The following SLC4A7 variants were observed in gnomAD, a reference collection of about 807,000 sequenced individuals.
SLC4A7 encodes the protein sodium bicarbonate cotransporter 3.
Under a neutral mutation model 137.6 loss-of-function variants are expected in SLC4A7, and 51 were observed. That is an observed-to-expected ratio of 0.37 (90% confidence interval 0.30 to 0.47). The LOEUF (loss-of-function observed/expected upper bound fraction) is 0.47, where lower values mean the gene tolerates loss of function less well. Among genes scored for constraint, SLC4A7 ranks in the 20% least tolerant of loss-of-function variants. SLC4A7 has a pLI of 1.00. For missense variants in SLC4A7, 1,247 were observed against 1,525.4 expected, an observed-to-expected ratio of 0.82 and a Z score of 3.04; for synonymous variants, 542 against 518.6, an observed-to-expected ratio of 1.05 and a Z score of -0.61.
At chr3:27,428,471 T>C (rs1363468054) in intron 7 of SLC4A7, among the ~76,000 whole-genome samples, 1 of 152,242 alleles carries the variant, frequency 6.6e-6, no homozygotes, top group Non-Finnish European at 1.5e-5. Flanking sequence ...GATTTAGCCA[T>C]GAAGCTTCTA....
intron 1 of SLC4A7, among the ~76,000 whole-genome samples, chr3:27,481,536 G>A (rs546802376): frequency 2.0e-5 from 3 of 152,240 alleles, no homozygotes; most frequent in South Asian, 4.2e-4. Flanking sequence ...TCACTTTTAC[G>A]ACTTTTATTT....
At chr3:27,470,856 C>G (rs918633994) in intron 1 of SLC4A7, among the ~76,000 whole-genome samples, 3 of 152,072 alleles carry the variant, frequency 2.0e-5, no homozygotes, top group Non-Finnish European at 2.9e-5. Flanking sequence ...GCAGGAGAAC[C>G]CCTTGAATCC....
At chr3:27,387,031 T>G (rs2051030877) in intron 22 of SLC4A7, among the ~76,000 whole-genome samples, 1 of 152,206 alleles carries the variant, frequency 6.6e-6, no homozygotes. Context: ...TTCAGATACA[T>G]TTCTGGACCC....
Position 27,376,445 on chromosome 3 carries a change from G to C in SLC4A7, c.*319C>G, listed in dbSNP as rs1394299766. On this transcript the variant is annotated 3_prime_UTR_variant, in exon 26 of 26. Coordinates refer to ENST00000454389, the MANE Select transcript of SLC4A7 (RefSeq NM_001321103.2). ...ACAAAGTATCACTTAAGGTTTTTAC[G>C]AATTGCCACTGATGAACAGAGATTT... The C allele has an allele frequency of 1.1e-5, 2 of 177,094 alleles. No homozygotes were observed. The highest frequency in any genetic ancestry group is 2.4e-5 in the Non-Finnish European group (2 of 84,978). 11.0% of individuals were successfully genotyped at this position (177,094 alleles called of 1,614,324 possible).
intron 1 of SLC4A7, among the ~76,000 whole-genome samples, chr3:27,476,980 G>A (rs1274569747): frequency 6.6e-6 from 1 of 152,128 alleles, no homozygotes; most frequent in Non-Finnish European, 1.5e-5. Flanking sequence ...TCTATCCCCA[G>A]CCATCAGGGA....
intron 23 of SLC4A7, among the ~76,000 whole-genome samples, chr3:27,384,017 A>C (rs1213786947): frequency 6.6e-6 from 1 of 152,214 alleles, no homozygotes; most frequent in Non-Finnish European, 1.5e-5. Flanking sequence ...GTTGAGACCA[A>C]CTTGGACAGT....
At chr3:27,447,640 C>CTTTTTTTTT (rs71087609) in intron 3 of SLC4A7, among the ~76,000 whole-genome samples, 4 of 99,702 alleles carry the variant, frequency 4.0e-5, no homozygotes, top group African/African-American at 1.3e-4. Flanking sequence ...TTTTACAGCC[C>CTTTTTTTTT]TTTTTTTTTT....
At chr3:27,437,665 T>C in intron 3 of SLC4A7, 139 bp from the exon 4 acceptor site, 1 of 414,206 alleles carries the variant, frequency 2.4e-6, no homozygotes, top group Non-Finnish European at 4.1e-6. Flanking sequence ...ATTATTGAAC[T>C]ATCACAATTC....
intron 11 of SLC4A7, among the ~76,000 whole-genome samples, chr3:27,412,372 T>C (rs2053985915): frequency 6.6e-6 from 1 of 152,108 alleles, no homozygotes; most frequent in Non-Finnish European, 1.5e-5. Flanking sequence ...TGTGAGCATG[T>C]GCACATACAA....
intron 7 of SLC4A7, among the ~76,000 whole-genome samples, chr3:27,425,752 C>T (rs2055541226): frequency 6.8e-6 from 1 of 147,926 alleles, no homozygotes; most frequent in Non-Finnish European, 1.5e-5. Context: ...TAGGTTGGTG[C>T]AATTTCCTTT....
chr3:27,384,263 A>G (rs891081027), intron 23 of SLC4A7, among the ~76,000 whole-genome samples: 2 of 152,194 alleles, frequency 1.3e-5, no homozygotes, highest in African/African-American at 4.8e-5. Flanking sequence ...AGTAGAACTT[A>G]CTGGATGACA....
intron 11 of SLC4A7, among the ~76,000 whole-genome samples, chr3:27,413,455 T>C (rs986374203): frequency 5.3e-5 from 8 of 152,126 alleles, no homozygotes; most frequent in African/African-American, 1.7e-4. Flanking sequence ...AATGTGAAGA[T>C]GGCACAAAAA....
At chr3:27,474,101 C>T (rs2059368925) in intron 1 of SLC4A7, among the ~76,000 whole-genome samples, 1 of 152,100 alleles carries the variant, frequency 6.6e-6, no homozygotes, top group Non-Finnish European at 1.5e-5. Context: ...ACTCTAGAGA[C>T]TAAATTTTGA....
intron 7 of SLC4A7, among the ~76,000 whole-genome samples, chr3:27,430,495 CCT>C (rs1273118680): frequency 1.3e-5 from 2 of 151,182 alleles, no homozygotes; most frequent in East Asian, 2.0e-4. Flanking sequence ...GTGACACGCC[CCT>C]GAGTCCCAGT....
At chr3:27,430,712 TC>T (rs1172153658) in intron 7 of SLC4A7, among the ~76,000 whole-genome samples, 1 of 151,194 alleles carries the variant, frequency 6.6e-6, no homozygotes, top group Non-Finnish European at 1.5e-5. Flanking sequence ...AGTCCTGTAG[TC>T]CCAGCTACTC....
At chr3:27,461,951 T>C (rs2058724093) in intron 1 of SLC4A7, among the ~76,000 whole-genome samples, 1 of 151,938 alleles carries the variant, frequency 6.6e-6, no homozygotes, top group African/African-American at 2.4e-5. Flanking sequence ...AACAGTGCGA[T>C]TCCATCTCAA....
chr3:27,397,452 C>T (rs1385296823), intron 18 of SLC4A7, among the ~76,000 whole-genome samples: 1 of 150,976 alleles, frequency 6.6e-6, no homozygotes, highest in African/African-American at 2.5e-5. Context: ...TTTTCATTCA[C>T]TCTCTCTAAT....
intron 8 of SLC4A7, 22 bp from the exon 9 acceptor site, chr3:27,421,801 A>C: frequency 6.3e-7 from 1 of 1,584,400 alleles, no homozygotes; most frequent in Non-Finnish European, 8.6e-7. Context: ...TAAATAATTA[A>C]AAATAAAGTT....
At chr3:27,434,803 G>C (rs2056607585) in intron 5 of SLC4A7, among the ~76,000 whole-genome samples, 1 of 151,848 alleles carries the variant, frequency 6.6e-6, no homozygotes, top group South Asian at 2.1e-4. Flanking sequence ...GAAGAAGAGG[G>C]TCAAATTTTC....
Sources: gnomAD v4.1 joint callset for allele counts (sites outside exome capture counted in the v4.1 genomes callset) on GRCh38, gnomAD v4.1.1 for gene constraint, MANE v1.5 for transcripts, NCBI Gene and HGNC (gene_info 2026-07-23, HGNC 2026-07-21) for gene names.